HCN1: variants seen among roughly 807,000 people sequenced by gnomAD.
HCN1 encodes hyperpolarization activated cyclic nucleotide gated potassium channel 1.
In HCN1, 13 loss-of-function variants were observed where a neutral mutation model predicts 78.9. The ratio of observed to expected loss-of-function variants is 0.16; its 90% CI spans 0.11 to 0.26. The LOEUF (loss-of-function observed/expected upper bound fraction) is 0.26, where lower values mean the gene tolerates loss of function less well. Ranked by LOEUF, HCN1 falls within the 10% of genes least tolerant of loss-of-function variation. The pLI, the probability that HCN1 is intolerant of heterozygous loss-of-function variation, is 1.00. For missense variants in HCN1, 810 were observed against 1,154.3 expected, an observed-to-expected ratio of 0.70 and a Z score of 4.32; for synonymous variants, 552 against 455.5, an observed-to-expected ratio of 1.21 and a Z score of -2.70.
intron 4 of HCN1, among the ~76,000 whole-genome samples, chr5:45,374,515 C>G (rs891909081): frequency 6.7e-6 from 1 of 149,336 alleles, no homozygotes; most frequent in Admixed American, 6.9e-5. Flanking sequence ...TAAAATCCTG[C>G]CAACCACAAA....
chr5:45,694,111 C>T (rs563626811), intron 1 of HCN1, among the ~76,000 whole-genome samples: 1 of 152,132 alleles, frequency 6.6e-6, no homozygotes, highest in African/African-American at 2.4e-5. Flanking sequence ...AGTTTGCTTC[C>T]CTATCTTCCT....
At chr5:45,636,419 C>T (rs1019673756) in intron 2 of HCN1, among the ~76,000 whole-genome samples, 2 of 152,140 alleles carry the variant, frequency 1.3e-5, no homozygotes, top group Non-Finnish European at 2.9e-5. Context: ...ATGGTATCTG[C>T]ATGCACAGAG....
chr5:45,545,594 A>G (rs973086435), intron 2 of HCN1, among the ~76,000 whole-genome samples: 4 of 151,964 alleles, frequency 2.6e-5, no homozygotes, highest in Non-Finnish European at 5.9e-5. Flanking sequence ...TAACATGTAA[A>G]TCTTTAATCC....
At chr5:45,584,471 G>T (rs1414409837) in intron 2 of HCN1, among the ~76,000 whole-genome samples, 1 of 152,062 alleles carries the variant, frequency 6.6e-6, no homozygotes, top group Admixed American at 6.6e-5. Flanking sequence ...GATGGGTCTT[G>T]ACTCTTTATC....
intron 2 of HCN1, among the ~76,000 whole-genome samples, chr5:45,525,551 T>C (rs935788565): frequency 1.3e-5 from 2 of 151,824 alleles, no homozygotes; most frequent in East Asian, 1.9e-4. Flanking sequence ...AAATTCTATT[T>C]TAAATAAGAA....
In HCN1 at chr5:45,298,275, G is replaced by C. The variant is rs1054883342; in HGVS notation, c.1618+5324C>G. On this transcript the variant is annotated intron_variant, in intron 6 of 7. Coordinates refer to ENST00000303230, the MANE Select transcript of HCN1 (RefSeq NM_021072.4). ...GGTAGCTTTATAAACAGAGAAAGAA[G>C]AACTTGGTCTTCCACATGAGCATGT... Among the ~76,000 whole-genome samples the C allele has an allele frequency of 1.6e-4, 25 of 151,958 alleles. No homozygotes were observed. The Admixed American group carries it at 1.6e-3, about 10-fold the overall frequency.
chr5:45,650,816 G>T (rs1745664522), intron 1 of HCN1, among the ~76,000 whole-genome samples: 1 of 151,626 alleles, frequency 6.6e-6, no homozygotes, highest in Admixed American at 6.6e-5. Flanking sequence ...ACCCTTTAAG[G>T]CTTGTGGTAA....
At chr5:45,674,515 ATTTAT>A (rs1234144939) in intron 1 of HCN1, among the ~76,000 whole-genome samples, 1 of 151,630 alleles carries the variant, frequency 6.6e-6, no homozygotes, top group East Asian at 2.0e-4. Flanking sequence ...GAAAGAGAAT[ATTTAT>A]TTTGTTAATT....
intron 2 of HCN1, among the ~76,000 whole-genome samples, chr5:45,634,883 T>C (rs1230106043): frequency 6.6e-6 from 1 of 152,066 alleles, no homozygotes; most frequent in East Asian, 1.9e-4. Flanking sequence ...TTCTCCTTAG[T>C]ATCATCCAAA....
chr5:45,263,889 G>A (rs969785773), intron 7 of HCN1, among the ~76,000 whole-genome samples: 3 of 152,134 alleles, frequency 2.0e-5, no homozygotes, highest in African/African-American at 7.2e-5. Flanking sequence ...TGCCTCCCGG[G>A]TTCATGCCAT....
intron 5 of HCN1, among the ~76,000 whole-genome samples, chr5:45,350,046 C>A (rs1221589693): frequency 1.3e-5 from 2 of 152,140 alleles, no homozygotes; most frequent in Non-Finnish European, 2.9e-5. Flanking sequence ...CATCCTGATA[C>A]CAAAGCTGGG....
chr5:45,281,151 T>TC (rs1260757981), intron 6 of HCN1, among the ~76,000 whole-genome samples: 1 of 152,126 alleles, frequency 6.6e-6, no homozygotes, highest in Non-Finnish European at 1.5e-5. Flanking sequence ...TGGCTCTGTG[T>TC]CCCCACCCAA....
At chr5:45,602,315 A>G (rs1033891119) in intron 2 of HCN1, among the ~76,000 whole-genome samples, 3 of 152,108 alleles carry the variant, frequency 2.0e-5, no homozygotes, top group Non-Finnish European at 2.9e-5. Flanking sequence ...CTAATCCAAT[A>G]TGACCAGTAT....
intron 2 of HCN1, among the ~76,000 whole-genome samples, chr5:45,616,329 T>C (rs1744953617): frequency 6.6e-6 from 1 of 151,892 alleles, no homozygotes; most frequent in Non-Finnish European, 1.5e-5. Flanking sequence ...AGATGCTCAA[T>C]TTGAAGTTTG....
chr5:45,635,748 C>T (rs1745345506), intron 2 of HCN1, among the ~76,000 whole-genome samples: 1 of 152,102 alleles, frequency 6.6e-6, no homozygotes, highest in South Asian at 2.1e-4. Context: ...CAAAGCAGGT[C>T]TTTCTCAGCC....
intron 2 of HCN1, among the ~76,000 whole-genome samples, chr5:45,611,262 T>A (rs1249042391): frequency 7.0e-6 from 1 of 143,866 alleles, no homozygotes; most frequent in African/African-American, 2.5e-5. Flanking sequence ...TTTTTTTTTA[T>A]CTTTTTCTTT....
At chr5:45,636,626 T>C (rs1745360593) in intron 2 of HCN1, among the ~76,000 whole-genome samples, 1 of 152,082 alleles carries the variant, frequency 6.6e-6, no homozygotes, top group East Asian at 1.9e-4. Flanking sequence ...GGTGGGAGGA[T>C]AGCTTGAGGC....
At chr5:45,575,283 C>T (rs984914158) in intron 2 of HCN1, 2 of 152,034 alleles carry the variant, frequency 1.3e-5, no homozygotes, top group Admixed American at 6.6e-5. Flanking sequence ...TGTTCATTGA[C>T]TATCCTGAAA....
At chr5:45,563,891 T>G (rs1190958775) in intron 2 of HCN1, among the ~76,000 whole-genome samples, 2 of 152,204 alleles carry the variant, frequency 1.3e-5, no homozygotes, top group African/African-American at 4.8e-5. Flanking sequence ...TGAAGAGCTT[T>G]CTTCTCCAAT....
Sources: allele counts gnomAD v4.1 joint callset (sites outside exome capture counted in the v4.1 genomes callset), GRCh38; gene constraint gnomAD v4.1.1; transcripts MANE v1.5; gene names NCBI Gene and HGNC (gene_info 2026-07-23, HGNC 2026-07-21).